PDE3B: variants seen among roughly 807,000 people sequenced by gnomAD.
The protein encoded by PDE3B is phosphodiesterase 3B.
Under a neutral mutation model 116.8 loss-of-function variants are expected in PDE3B, and 66 were observed. The observed-to-expected ratio is 0.56, with a 90% CI of 0.46 to 0.69. PDE3B has a LOEUF of 0.69. PDE3B is among the 30% of genes least tolerant of loss of function. The pLI, the probability that PDE3B is intolerant of heterozygous loss-of-function variation, is 0.00. For missense variants in PDE3B, 1,384 were observed against 1,368.1 expected (o/e 1.01, Z -0.18); for synonymous variants, 595 against 533.6 (o/e 1.12, Z -1.59).
At chr11:14,805,172 C>A (rs1353615653) in intron 5 of PDE3B, among the ~76,000 whole-genome samples, 1 of 152,032 alleles carries the variant, frequency 6.6e-6, no homozygotes, top group Non-Finnish European at 1.5e-5. Flanking sequence ...AGGATAAATA[C>A]AAGAAAATCA....
At chr11:14,821,966 G>T (rs1859526812) in intron 7 of PDE3B, among the ~76,000 whole-genome samples, 1 of 151,332 alleles carries the variant, frequency 6.6e-6, no homozygotes, top group South Asian at 2.1e-4. Context: ...GAGTACAGTG[G>T]CACAATCATG....
chr11:14,739,095 G>A (rs1590105160), intron 1 of PDE3B, among the ~76,000 whole-genome samples: 1 of 152,022 alleles, frequency 6.6e-6, no homozygotes, highest in East Asian at 1.9e-4. Flanking sequence ...GCCCTTTTTT[G>A]GGTTTCATGT....
intron 1 of PDE3B, among the ~76,000 whole-genome samples, chr11:14,688,778 GTTGT>G (rs1300353403): frequency 3.9e-5 from 6 of 151,904 alleles, no homozygotes; most frequent in Admixed American, 6.6e-5. Context: ...TGTTGTTGTT[GTTGT>G]TTGTTTGTTT....
At chr11:14,800,466 A>T (rs1565143065) in intron 4 of PDE3B, among the ~76,000 whole-genome samples, 1 of 152,038 alleles carries the variant, frequency 6.6e-6, no homozygotes, top group Non-Finnish European at 1.5e-5. Flanking sequence ...CTCCATCTCA[A>T]AAAAGAATAC....
At chr11:14,837,284 C>T (rs1860085811) in intron 11 of PDE3B, among the ~76,000 whole-genome samples, 1 of 152,202 alleles carries the variant, frequency 6.6e-6, no homozygotes, top group Admixed American at 6.5e-5. Context: ...CTCTTGTAGT[C>T]TGGATAGGCT....
Position 14,867,580 on chromosome 11 carries a change from C to T in PDE3B, c.2961C>T (p.Leu987=). 5.6e-6 allele frequency: 9 copies of T among 1,614,048 alleles called. No individual in the cohort carries two copies. The highest frequency in any genetic ancestry group is 7.6e-6 in the Non-Finnish European group (9 of 1,179,956). Residue 987 remains leucine (L), a synonymous_variant, in exon 15 of 16, where the codon CTC becomes CTT. Coordinates refer to ENST00000282096, the MANE Select transcript of PDE3B (RefSeq NM_000922.4). ...MDRSSPQLAK[L]QESFITHIVG... ...GTTCTTCTCCTCAACTAGCAAAACT[C>T]CAAGAATCTTTTATCACCCACATAG...
intron 1 of PDE3B, among the ~76,000 whole-genome samples, chr11:14,706,783 T>G (rs996895291): frequency 3.3e-5 from 5 of 152,004 alleles, no homozygotes; most frequent in Non-Finnish European, 7.4e-5. Flanking sequence ...GTTAATTCAT[T>G]TTTAGAGTTT....
intron 5 of PDE3B, among the ~76,000 whole-genome samples, chr11:14,814,637 A>G (rs1335670565): frequency 6.6e-6 from 1 of 152,168 alleles, no homozygotes; most frequent in Non-Finnish European, 1.5e-5. Context: ...ATTTGACTAC[A>G]TGAACATTAA....
At chr11:14,876,937 TC>T (rs782259393), downstream of PDE3B, among the ~76,000 whole-genome samples, 1 of 152,116 alleles carries the variant, frequency 6.6e-6, no homozygotes, top group Non-Finnish European at 1.5e-5. Flanking sequence ...TCTGAATATA[TC>T]CAAGATGCAA....
At chr11:14,743,984 C>T (rs899546875) in intron 1 of PDE3B, among the ~76,000 whole-genome samples, 1 of 152,212 alleles carries the variant, frequency 6.6e-6, no homozygotes, top group Non-Finnish European at 1.5e-5. Context: ...CTGGGAGCTG[C>T]AGACCAGAGC....
rs143434939 is a variant in PDE3B at position 14,653,825 on chromosome 11, C to T, written c.978+8772C>T. 3.5e-3 allele frequency among the ~76,000 whole-genome samples: 534 copies of T among 152,088 alleles called. 2 individuals are homozygous for T. The highest frequency in any genetic ancestry group is 8.1e-3 in the South Asian group (39 of 4,792). On this transcript the variant is annotated intron_variant, in intron 1 of 15. Coordinates refer to ENST00000282096, the MANE Select transcript of PDE3B (RefSeq NM_000922.4). ...ACCAGCCTGGGCAACATGGCAAAAC[C>T]CTGTCTCTACAAGATACAAAATATT...
intron 3 of PDE3B, among the ~76,000 whole-genome samples, chr11:14,787,622 A>G (rs1244200371): frequency 6.6e-6 from 1 of 151,912 alleles, no homozygotes; most frequent in Admixed American, 6.6e-5. Context: ...ATTGATCACA[A>G]TCTGGATCAT....
At chr11:14,648,674 G>C (rs779814754) in intron 1 of PDE3B, among the ~76,000 whole-genome samples, 173 of 152,048 alleles carry the variant, frequency 1.1e-3, no homozygotes, top group Non-Finnish European at 2.1e-3. Flanking sequence ...ATCTCTTATG[G>C]CTTTTCATTG....
At chr11:14,650,035 G>C (rs1321999758) in intron 1 of PDE3B, among the ~76,000 whole-genome samples, 1 of 151,966 alleles carries the variant, frequency 6.6e-6, no homozygotes, top group Non-Finnish European at 1.5e-5. Context: ...ACTTGGGGCA[G>C]AAGAGTGTAT....
chr11:14,742,562 C>G (rs568918131), intron 1 of PDE3B, among the ~76,000 whole-genome samples: 7 of 152,034 alleles, frequency 4.6e-5, no homozygotes, highest in Non-Finnish European at 1.5e-5. Flanking sequence ...TTTGTTATTA[C>G]CCACCTTCTG....
At chr11:14,754,307 A>G (rs1016852166) in intron 1 of PDE3B, among the ~76,000 whole-genome samples, 20 of 152,096 alleles carry the variant, frequency 1.3e-4, no homozygotes, top group Admixed American at 9.2e-4. Flanking sequence ...TTAACTCTAT[A>G]TAAATAAACA....
At chr11:14,741,360 C>T (rs2133865594) in intron 1 of PDE3B, among the ~76,000 whole-genome samples, 1 of 152,050 alleles carries the variant, frequency 6.6e-6, no homozygotes, top group African/African-American at 2.4e-5. Flanking sequence ...ATGTAATGCC[C>T]TTCTTTGTGT....
At chr11:14,698,206 C>T (rs1162255249) in intron 1 of PDE3B, among the ~76,000 whole-genome samples, 1 of 151,486 alleles carries the variant, frequency 6.6e-6, no homozygotes, top group East Asian at 1.9e-4. Flanking sequence ...TAAGGAAGTT[C>T]CCTTCCATTC....
chr11:14,815,993 T>G (rs2133947452), intron 5 of PDE3B, among the ~76,000 whole-genome samples: 1 of 151,922 alleles, frequency 6.6e-6, no homozygotes, highest in Admixed American at 6.5e-5. Context: ...AGAGAAAGTT[T>G]GTTTTAAGGG....
Sources: gnomAD v4.1 joint callset for allele counts (sites outside exome capture counted in the v4.1 genomes callset) on GRCh38, gnomAD v4.1.1 for gene constraint, MANE v1.5 for transcripts, NCBI Gene and HGNC (gene_info 2026-07-23, HGNC 2026-07-21) for gene names.